MUTYH: variants seen among roughly 807,000 people sequenced by gnomAD.
The protein encoded by MUTYH is mutY DNA glycosylase.
In MUTYH, 64 loss-of-function variants were observed where a neutral mutation model predicts 72.9. The ratio of observed to expected loss-of-function variants is 0.88; its 90% CI spans 0.72 to 1.08. MUTYH has a LOEUF of 1.08. Among genes scored for constraint, MUTYH ranks in the 50% least tolerant of loss-of-function variants. MUTYH has a pLI of 0.00. For missense variants in MUTYH, 633 were observed against 671.0 expected (o/e 0.94, Z 0.63); for synonymous variants, 234 against 263.1 (o/e 0.89, Z 1.07).
chr1:45,331,194 G>C lies in MUTYH; in HGVS notation c.1380C>G (p.Thr460=), dbSNP rs373973053. 8 of 1,614,180 alleles carry C rather than the reference G, an allele frequency of 5.0e-6. No individual in the cohort carries two copies. The highest frequency in any genetic ancestry group is 1.3e-5 in the African/African-American group (1 of 75,048). ...ACAAAGGTAGTGCCTTTTTCATGGC[G>C]GTGGAAACAGCTGCGGTGTGAAATT... ...QEEFHTAAVS[T]AMKKVFRVYQ... is the part of the protein sequence containing the mutation. The change falls in exon 14 of 16, where the codon ACC becomes ACG. Residue 460 remains threonine (T), a synonymous_variant. Transcript: ENST00000456914.
upstream of MUTYH, chr1:45,340,303 C>T (rs774689873): frequency 2.5e-6 from 4 of 1,612,468 alleles, no homozygotes; most frequent in African/African-American, 4.0e-5. Flanking sequence ...CAGCTTCCGA[C>T]GGTGAGCGGC....
Position 45,332,627 on chromosome 1 carries a change from G to A in MUTYH, c.553C>T (p.Pro185Ser). The change falls in exon 8 of 16, where the codon CCT (proline) becomes TCT (serine). Residue 185 changes from proline (P) to serine (S), a missense_variant. Coordinates refer to ENST00000456914, the MANE Select transcript of MUTYH (RefSeq NM_001048174.2). The part of the protein sequence containing the change: ...RTAETLQQLL[P>S]GVGRYTAGAI... The stretch of plus-strand genomic sequence containing the variant: ...CCAGCTGTGTAGCGCCCCACGCCAG[G>A]CAGGAGCTGCTGCAGGGTCTCTGCT... The A allele has an allele frequency of 6.2e-7, 1 of 1,614,142 alleles. No individual in the cohort carries two copies. The highest frequency in any genetic ancestry group is 8.5e-7 in the Non-Finnish European group (1 of 1,179,998).
At chr1:45,332,339 A>T in intron 9 of MUTYH, 29 bp from the exon 10 acceptor site, 1 of 1,614,108 alleles carries the variant, frequency 6.2e-7, no homozygotes, top group Non-Finnish European at 8.5e-7. Context: ...GCTGTGAAGC[A>T]GAGCTCCTTT....
intron 1 of MUTYH, among the ~76,000 whole-genome samples, chr1:45,336,552 G>C (rs1190138989): frequency 6.6e-6 from 1 of 151,622 alleles, no homozygotes; most frequent in South Asian, 2.1e-4. Context: ...CCTTAAGAAG[G>C]TTCTTTATAA....
At chr1:45,340,238 G>T (rs587782837), upstream of MUTYH, 28 of 1,613,744 alleles carry the variant, frequency 1.7e-5, no homozygotes, top group Admixed American at 4.7e-4. Flanking sequence ...ACTCAGGCGG[G>T]AGACGAGCGG....
chr1:45,331,562 A>G lies in MUTYH; in HGVS notation c.1103-6T>C. On this transcript the variant is annotated splice_region_variant and splice_polypyrimidine_tract_variant and intron_variant, in intron 12 of 15. Transcript: ENST00000456914. ...CCACAGTCCTGCCAGCAGACCTGAG[A>G]GGGAGGGCAGCCAGGCAGGGGTCAG... is the stretch of plus-strand genomic sequence containing the variant. 1 of 1,613,768 alleles carries G rather than the reference A, an allele frequency of 6.2e-7. No individual in the cohort carries two copies. The highest frequency in any genetic ancestry group is 8.5e-7 in the Non-Finnish European group (1 of 1,179,982).
At chr1:45,338,835 G>A (rs1438999707) in intron 1 of MUTYH, among the ~76,000 whole-genome samples, 1 of 151,700 alleles carries the variant, frequency 6.6e-6, no homozygotes, top group African/African-American at 2.4e-5. Flanking sequence ...ATAAGAACAT[G>A]GCTCACTGCA....
intron 1 of MUTYH, among the ~76,000 whole-genome samples, chr1:45,336,154 A>G (rs1324962820): frequency 6.6e-6 from 1 of 152,168 alleles, no homozygotes; most frequent in Non-Finnish European, 1.5e-5. Context: ...ATTGCCCTTC[A>G]ACAGAATCTC....
intron 14 of MUTYH, 125 bp downstream of exon 14, chr1:45,331,057 C>G (rs1479040578): frequency 3.7e-6 from 5 of 1,342,988 alleles, no homozygotes; most frequent in Non-Finnish European, 5.2e-6. Context: ...TGCACTCCAG[C>G]CTGGGCAACA....
intron 14 of MUTYH, 128 bp from the exon 15 acceptor site, chr1:45,330,685 C>T (rs2149105481): frequency 8.8e-7 from 1 of 1,139,734 alleles, no homozygotes; most frequent in East Asian, 2.6e-5. Flanking sequence ...CATGGTGGCT[C>T]ACGCCTATAA....
intron 2 of MUTYH, chr1:45,333,950 C>T (rs1049460910): frequency 2.6e-6 from 1 of 381,108 alleles, no homozygotes; most frequent in Non-Finnish European, 4.9e-6. Flanking sequence ...AGAAAGCAGC[C>T]ATTCAGAGCA....
intron 14 of MUTYH, 62 bp downstream of exon 14, chr1:45,331,120 T>A: frequency 6.2e-7 from 1 of 1,605,100 alleles, no homozygotes; most frequent in Non-Finnish European, 8.5e-7. Flanking sequence ...TACACAGTAA[T>A]ATATTCATGT....
chr1:45,333,154 G>A lies in MUTYH; in HGVS notation c.321C>T (p.Val107=). The A allele has an allele frequency of 6.2e-7, 1 of 1,614,130 alleles. No homozygotes were observed. Residue 107 remains valine (V), a synonymous_variant, in exon 5 of 16, where the codon GTC becomes GTT. Coordinates refer to ENST00000456914, the MANE Select transcript of MUTYH (RefSeq NM_001048174.2). ...TGGCAACCTGGGTCTGCTGCAGCAT[G>A]ACCTCTGAGACCCACACTGGGGGAA... The part of the protein sequence containing the change: ...RRAYAVWVSE[V]MLQQTQVATV...
rs71667141 is a variant in MUTYH at position 45,338,754 on chromosome 1, TG to T, written c.-7+1144del. On this transcript the variant is annotated intron_variant, in intron 1 of 15. Transcript: ENST00000456914. ...AGTTTTTTTATTTTTGTTTTTTTTT[TG>T]TTTGTTTGTTTTGTTTTTAGAGACA... is the stretch of plus-strand genomic sequence containing the variant. 13,523 of 86,126 alleles carry T rather than the reference TG, an allele frequency of 0.16. 1,911 individuals are homozygous for T. The highest frequency in any genetic ancestry group is 0.4 in the African/African-American group (12,233 of 30,568). The allele number at this position is 86,126 out of a possible 1,614,324, so 5.3% of individuals were successfully genotyped here. A position where few individuals can be genotyped will look rare whatever the true frequency, so the allele number is the denominator to read the frequency against.
chr1:45,336,281 C>G (rs1645872142), intron 1 of MUTYH, among the ~76,000 whole-genome samples: 1 of 152,162 alleles, frequency 6.6e-6, no homozygotes, highest in Non-Finnish European at 1.5e-5. Context: ...CCCAGGAGTT[C>G]GAGATTAGGC....
chr1:45,331,840 G>A lies in MUTYH; in HGVS notation c.923C>T (p.Thr308Ile), dbSNP rs876659790. ...SPDVEECAPN[T>I]GQCHLCLPPS... The stretch of plus-strand genomic sequence containing the variant: ...AGGCAGGCACAGGTGGCACTGTCCA[G>A]TGTTGGGAGCTGGGAACGGAGATCC... Residue 308 changes from threonine (T) to isoleucine (I), a missense_variant, in exon 12 of 16, where the codon ACT (threonine) becomes ATT (isoleucine). By Grantham distance (89) the Thr-to-Ile change is moderately conservative. Transcript: ENST00000456914. 4 of 1,603,488 alleles carry A rather than the reference G, an allele frequency of 2.5e-6. No individual in the cohort carries two copies. The African/African-American group carries it at 4.0e-5, about 16-fold the overall frequency.
chr1:45,329,591 C>G (rs1644424888), intron 15 of MUTYH, among the ~76,000 whole-genome samples, 154 bp from the exon 16 acceptor site: 1 of 152,126 alleles, frequency 6.6e-6, no homozygotes, highest in Non-Finnish European at 1.5e-5. Flanking sequence ...AGTATCTGCC[C>G]CATCAATCAA....
At chr1:45,339,789 T>TC (rs936784358) in intron 1 of MUTYH, 110 bp downstream of exon 1, 16 of 1,248,362 alleles carry the variant, frequency 1.3e-5, no homozygotes, top group African/African-American at 7.7e-5. Context: ...CGCCCTTCTT[T>TC]CCCCCACACG....
At position 45,332,771 on chromosome 1, in the gene MUTYH, C is replaced by T. The variant is rs764458059; in HGVS notation, c.484G>A (p.Ala162Thr). 1 of 1,614,196 alleles carries T rather than the reference C, an allele frequency of 6.2e-7. No individual in the cohort carries two copies. Among genetic ancestry groups the T allele is most frequent in the Admixed American group, 1.7e-5 (1 of 60,024 alleles). ...TCCTGCCATCCCCTTACCTTCCGAG[C>T]TCCCTCCTGCAGCCGCCGGCCACGA... ...YSRGRRLQEG[A>T]RKVVEELGGH... is the part of the protein sequence containing the mutation. The change falls in exon 7 of 16, where the codon GCT (alanine) becomes ACT (threonine). Residue 162 changes from alanine (A) to threonine (T), a missense_variant. Physicochemically the swap from Ala to Thr is moderately conservative, Grantham distance 58 (BLOSUM62 0). Transcript: ENST00000456914.
Sources: allele counts gnomAD v4.1 joint callset (sites outside exome capture counted in the v4.1 genomes callset), GRCh38; gene constraint gnomAD v4.1.1; transcripts MANE v1.5; gene names NCBI Gene and HGNC (gene_info 2026-07-23, HGNC 2026-07-21).